SAMD5: variants seen among roughly 807,000 people sequenced by gnomAD.
SAMD5 encodes sterile alpha motif domain-containing protein 5.
SAMD5 carries 13 observed loss-of-function variants against 11.3 expected under a neutral mutation model. The ratio of observed to expected loss-of-function variants is 1.15; its 90% CI spans 0.75 to 1.83. SAMD5 has a LOEUF of 1.83. SAMD5 is among the 40% of genes most tolerant of loss of function. The pLI, the probability that SAMD5 is intolerant of heterozygous loss-of-function variation, is 0.00. For synonymous variants in SAMD5, 129 were observed against 111.3 expected, an observed-to-expected ratio of 1.16 and a Z score of -1.00; for missense variants, 255 against 239.1, an observed-to-expected ratio of 1.07 and a Z score of -0.44.
chr6:147,916,438 C>T, the SAMD5 span, among the ~76,000 whole-genome samples: 55 of 152,132 alleles, frequency 3.6e-4, no homozygotes, highest in Admixed American at 1.6e-3. Flanking sequence ...TTTTAATGAT[C>T]GCCATTCTAA....
chr6:147,867,356 G>A, the SAMD5 span, among the ~76,000 whole-genome samples: 1 of 150,420 alleles, frequency 6.6e-6, no homozygotes, highest in Non-Finnish European at 1.5e-5. Flanking sequence ...TGAATATATG[G>A]AGAGAGAAAG....
At chr6:147,710,845 T>A (rs1483457828) in intron 1 of SAMD5, among the ~76,000 whole-genome samples, 3 of 152,132 alleles carry the variant, frequency 2.0e-5, no homozygotes, top group Non-Finnish European at 4.4e-5. Context: ...ACTACTATAC[T>A]TGTTACTTGT....
At chr6:147,710,686 T>C (rs1399859961) in intron 1 of SAMD5, among the ~76,000 whole-genome samples, 1 of 152,230 alleles carries the variant, frequency 6.6e-6, no homozygotes, top group African/African-American at 2.4e-5. Flanking sequence ...TTTATCATTG[T>C]TAACCTCTTG....
the SAMD5 span, among the ~76,000 whole-genome samples, chr6:147,897,341 ACTG>A: frequency 3.3e-5 from 5 of 152,166 alleles, no homozygotes; most frequent in African/African-American, 1.2e-4. Flanking sequence ...TCCTTCTTGA[ACTG>A]CATCACCAGC....
intron 1 of SAMD5, among the ~76,000 whole-genome samples, chr6:147,735,637 C>G (rs547503052): frequency 8.0e-5 from 12 of 149,592 alleles, no homozygotes; most frequent in Non-Finnish European, 1.5e-4. Context: ...TTTCAGAGAT[C>G]GTATCATCTA....
At chr6:147,860,430 C>T in the SAMD5 span, among the ~76,000 whole-genome samples, 1 of 152,156 alleles carries the variant, frequency 6.6e-6, no homozygotes, top group African/African-American at 2.4e-5. Flanking sequence ...CAACCCATAA[C>T]AACTAATATC....
Position 147,522,537 on chromosome 6 carries a change from G to A in SAMD5, c.459+13150G>A, listed in dbSNP as rs17076883. Reference sequence around the variant, plus strand: ...TTTCCTAGTCTTAAACTATTTTTACGTAACTGAGAAGAAGTAAAAAAATGA... The same window carrying A: ...TTTCCTAGTCTTAAACTATTTTTACATAACTGAGAAGAAGTAAAAAAATGA... On this transcript the variant is annotated intron_variant, in intron 1 of 1. Coordinates refer to ENST00000367474, the MANE Select transcript of SAMD5 (RefSeq NM_001030060.3). 7.7e-3 allele frequency among the ~76,000 whole-genome samples: 1,172 copies of A among 152,110 alleles called. 25 individuals are homozygous for A. Among genetic ancestry groups the A allele is most frequent in the African/African-American group, 0.027 (1,105 of 41,514 alleles).
At chr6:147,733,312 T>C (rs909980650) in intron 1 of SAMD5, among the ~76,000 whole-genome samples, 2 of 152,220 alleles carry the variant, frequency 1.3e-5, no homozygotes, top group South Asian at 2.1e-4. Flanking sequence ...AGGATTTTAC[T>C]TGGGTAGTGT....
chr6:147,794,592 A>G, the SAMD5 span, among the ~76,000 whole-genome samples: 4 of 152,202 alleles, frequency 2.6e-5, no homozygotes, highest in African/African-American at 9.7e-5. Context: ...ATGTAAATAT[A>G]TAATTTAAAA....
chr6:147,540,484 C>G (rs1788582506), intron 1 of SAMD5, among the ~76,000 whole-genome samples: 1 of 152,146 alleles, frequency 6.6e-6, no homozygotes, highest in Admixed American at 6.5e-5. Flanking sequence ...AGGTTAAGCT[C>G]TTAAGGACAC....
the SAMD5 span, among the ~76,000 whole-genome samples, chr6:147,899,856 C>T: frequency 3.9e-5 from 6 of 152,186 alleles, no homozygotes; most frequent in African/African-American, 1.2e-4. Context: ...AAATTATTCA[C>T]ACCAAGTTGT....
At chr6:147,780,956 A>C in the SAMD5 span, among the ~76,000 whole-genome samples, 3 of 152,182 alleles carry the variant, frequency 2.0e-5, no homozygotes, top group Admixed American at 2.0e-4. Context: ...GAAATAATTC[A>C]CATTATTTAA....
At chr6:147,641,730 G>T (rs978228864) in intron 1 of SAMD5, among the ~76,000 whole-genome samples, 2 of 152,060 alleles carry the variant, frequency 1.3e-5, no homozygotes, top group Non-Finnish European at 1.5e-5. Context: ...TCAAAACTCC[G>T]CTGTGCTCTT....
chr6:147,655,884 A>G (rs1269627028), intron 1 of SAMD5, among the ~76,000 whole-genome samples: 1 of 152,240 alleles, frequency 6.6e-6, no homozygotes, highest in African/African-American at 2.4e-5. Context: ...TAGATAAAAG[A>G]AAGAATAACA....
the SAMD5 span, among the ~76,000 whole-genome samples, chr6:147,779,599 G>A: frequency 6.6e-6 from 1 of 151,652 alleles, no homozygotes. Context: ...GGGTTCAAGC[G>A]ATTCTCCTGC....
the SAMD5 span, among the ~76,000 whole-genome samples, chr6:147,942,175 C>T: frequency 6.6e-6 from 1 of 152,170 alleles, no homozygotes; most frequent in Non-Finnish European, 1.5e-5. Flanking sequence ...CTGCGCCTGG[C>T]TGTGTGAAGC....
chr6:147,763,743 C>T, the SAMD5 span, among the ~76,000 whole-genome samples: 6 of 151,700 alleles, frequency 4.0e-5, no homozygotes, highest in Admixed American at 1.3e-4. Flanking sequence ...CCACCACGCC[C>T]GGCTAATTTT....
the SAMD5 span, among the ~76,000 whole-genome samples, chr6:147,885,230 G>C: frequency 6.6e-6 from 1 of 152,104 alleles, no homozygotes; most frequent in Non-Finnish European, 1.5e-5. Flanking sequence ...AGGCCAAGGA[G>C]GGGTAGTCAT....
At chr6:147,597,771 G>T (rs1043417346) in intron 1 of SAMD5, among the ~76,000 whole-genome samples, 27 of 152,190 alleles carry the variant, frequency 1.8e-4, no homozygotes, top group African/African-American at 6.0e-4. Context: ...GTGAGCCCCA[G>T]GTTCCCTGAA....
Sources: gnomAD v4.1 joint callset for allele counts (sites outside exome capture counted in the v4.1 genomes callset) on GRCh38, gnomAD v4.1.1 for gene constraint, MANE v1.5 for transcripts, NCBI Gene and HGNC (gene_info 2026-07-23, HGNC 2026-07-21) for gene names.